Variants in SLC5A5 observed in about 807,000 individuals in gnomAD.
The protein encoded by SLC5A5 is sodium/iodide cotransporter.
In SLC5A5, 56 loss-of-function variants were observed where a neutral mutation model predicts 68.6. The ratio of observed to expected loss-of-function variants is 0.82; its 90% CI spans 0.66 to 1.02. The LOEUF (loss-of-function observed/expected upper bound fraction) is 1.02. Ranked by LOEUF, SLC5A5 falls within the 50% of genes least tolerant of loss-of-function variation. The pLI is 0.00. For missense variants in SLC5A5, 807 were observed against 859.8 expected (o/e 0.94, Z 0.77); for synonymous variants, 398 against 373.0 (o/e 1.07, Z -0.77).
chr19:17,888,193 A>T, intron 12 of SLC5A5, 138 bp from the exon 13 acceptor site: 1 of 1,054,826 alleles, frequency 9.5e-7, no homozygotes, highest in Non-Finnish European at 1.4e-6. Flanking sequence ...TACTGCACAG[A>T]TCTGGGCAGA....
At chr19:17,884,542 C>G (rs930416599) in intron 12 of SLC5A5, among the ~76,000 whole-genome samples, 1 of 151,646 alleles carries the variant, frequency 6.6e-6, no homozygotes, top group Non-Finnish European at 1.5e-5. Context: ...GAGGCTGAGG[C>G]AGGTGGATCA....
At chr19:17,889,075 A>G (rs1296469296) in intron 13 of SLC5A5, among the ~76,000 whole-genome samples, 1 of 151,428 alleles carries the variant, frequency 6.6e-6, no homozygotes, top group Non-Finnish European at 1.5e-5. Context: ...ACATAAAAGA[A>G]AGTGTATATA....
rs1056096111 is a variant in SLC5A5, at chr19:17,878,166, T to A, written c.969+73T>A. 2.6e-6 allele frequency: 4 copies of A among 1,538,620 alleles called. No individual in the cohort carries two copies. In the African/African-American group the frequency reaches 5.5e-5, roughly 21 times the overall value. ...TTGGTGGGATTGAGGTCGAAGAGCA[T>A]TCCTAGCAGAGGGAATGGCCTGTGC... On this transcript the variant is annotated intron_variant, in intron 7 of 14. Transcript: ENST00000222248.
rs912896926 is a variant in SLC5A5 at position 17,893,257 on chromosome 19, C to T, written c.1768-456C>T. 2.6e-5 allele frequency among the ~76,000 whole-genome samples: 4 copies of T among 151,790 alleles called. 1 individual carries two copies. The South Asian group carries it at 6.3e-4, about 24-fold the overall frequency. On this transcript the variant is annotated intron_variant, in intron 14 of 14. Coordinates refer to ENST00000222248, the MANE Select transcript of SLC5A5 (RefSeq NM_000453.3). ...AGCTGGGATTATAGGCATGCACCACCGAGTCTGGTTAATTTTTTTATTTTT... is the reference window on the plus strand; with the variant it reads ...AGCTGGGATTATAGGCATGCACCACTGAGTCTGGTTAATTTTTTTATTTTT...
chr19:17,886,762 G>A (rs1456153001), intron 12 of SLC5A5, among the ~76,000 whole-genome samples: 2 of 152,158 alleles, frequency 1.3e-5, no homozygotes, highest in Non-Finnish European at 2.9e-5. Context: ...ATACCTCACT[G>A]TGGTTTTGAT....
chr19:17,886,240 A>G (rs2029913016), intron 12 of SLC5A5, among the ~76,000 whole-genome samples: 1 of 151,494 alleles, frequency 6.6e-6, no homozygotes, highest in Non-Finnish European at 1.5e-5. Context: ...TTTGGTATGG[A>G]CATATGTTTT....
In SLC5A5 at chr19:17,872,284, C is replaced by T. The variant is rs116154266; in HGVS notation, c.-36C>T. ...GCTTCCCCCGCTTGAGCACGCAGGG[C>T]GTCCGAGGACGCGCTGGGCCTCCGC... On this transcript the variant is annotated 5_prime_UTR_variant, in exon 1 of 15. Coordinates refer to ENST00000222248, the MANE Select transcript of SLC5A5 (RefSeq NM_000453.3). 2,951 of 1,221,566 alleles carry T rather than the reference C, an allele frequency of 2.4e-3. 55 individuals carry two copies. The African/African-American group carries it at 0.04, about 17-fold the overall frequency. 75.7% of individuals were successfully genotyped at this position (1,221,566 alleles called of 1,614,324 possible).
rs1482298084 is a variant in SLC5A5 at position 17,890,905 on chromosome 19, C to G, written c.1671C>G (p.Thr557=). ...SCLTGPTKRS[T]LAPGLLWWDL... is the part of the protein sequence containing the mutation. ...TCTCAGGCCCCACCAAGCGCAGCAC[C>G]CTGGCCCCGGGATTGTTGTGGTGGG... is the stretch of plus-strand genomic sequence containing the variant. The change falls in exon 14 of 15, where the codon ACC becomes ACG. Residue 557 remains threonine, a synonymous_variant. Transcript: ENST00000222248. 1 of 1,613,884 alleles carries G rather than the reference C, an allele frequency of 6.2e-7. No homozygotes were observed. The highest frequency in any genetic ancestry group is 8.5e-7 in the Non-Finnish European group (1 of 1,179,874).
At chr19:17,884,630 A>AGG (rs1204123524) in intron 12 of SLC5A5, among the ~76,000 whole-genome samples, 1 of 151,438 alleles carries the variant, frequency 6.6e-6, no homozygotes. Flanking sequence ...AAACTTAGCC[A>AGG]AGCGTGGTGG....
intron 10 of SLC5A5, among the ~76,000 whole-genome samples, chr19:17,882,992 G>T (rs1400106164): frequency 6.6e-6 from 1 of 151,824 alleles, no homozygotes; most frequent in African/African-American, 2.4e-5. Flanking sequence ...TTATATTTTT[G>T]TATTTTTATT....
intron 8 of SLC5A5, 105 bp from the exon 9 acceptor site, chr19:17,881,855 G>A: frequency 1.2e-6 from 1 of 820,510 alleles, no homozygotes; most frequent in Non-Finnish European, 2.1e-6. Context: ...GCAGGACTGG[G>A]TTACCCCCAC....
In SLC5A5 at chr19:17,885,569, C is replaced by T. The variant is rs373561323; in HGVS notation, c.1526+1523C>T. Among the ~76,000 whole-genome samples the T allele has an allele frequency of 9.9e-4, 150 of 151,760 alleles. 4 individuals carry two copies. The South Asian group carries it at 0.029, about 29-fold the overall frequency. On this transcript the variant is annotated intron_variant, in intron 12 of 14. Coordinates refer to ENST00000222248, the MANE Select transcript of SLC5A5 (RefSeq NM_000453.3). ...AAATTTTTTGTATTTTTTATAGAGA[C>T]GAGTTTTTGCCATGTTGCCCAGGCT...
chr19:17,877,906 T>C, intron 6 of SLC5A5, 43 bp downstream of exon 6: 1 of 1,613,568 alleles, frequency 6.2e-7, no homozygotes, highest in Admixed American at 1.7e-5. Flanking sequence ...TGGGACATGC[T>C]GCCCCCCTCC....
chr19:17,887,163 A>G (rs1013301860), intron 12 of SLC5A5, among the ~76,000 whole-genome samples: 6 of 152,196 alleles, frequency 3.9e-5, no homozygotes, highest in African/African-American at 1.4e-4. Flanking sequence ...TATAATTTAC[A>G]TATTTTTATA....
chr19:17,874,877 C>A, intron 4 of SLC5A5, 146 bp downstream of exon 4: 1 of 788,968 alleles, frequency 1.3e-6, no homozygotes. Context: ...GAAAAATGAT[C>A]TGAAAAGCTT....
intron 7 of SLC5A5, 63 bp from the exon 8 acceptor site, chr19:17,880,802 C>A: frequency 8.2e-7 from 1 of 1,218,644 alleles, no homozygotes; most frequent in Non-Finnish European, 1.2e-6. Flanking sequence ...AGCATCAGGA[C>A]AGATAGATGC....
rs1374677866 is a variant in SLC5A5, at chr19:17,876,062, G to A, written c.654G>A (p.Gln218=). ...RGVMLVGGPR[Q]VLTLAQNHSR... The stretch of plus-strand genomic sequence containing the variant: ...TCATGCTTGTGGGCGGGCCCCGCCA[G>A]GTGCTCACGCTGGCCCAGAACCACT... The change falls in exon 5 of 15, where the codon CAG becomes CAA. Residue 218 remains glutamine, a synonymous_variant. Coordinates refer to ENST00000222248, the MANE Select transcript of SLC5A5 (RefSeq NM_000453.3). The A allele has an allele frequency of 5.0e-6, 8 of 1,614,102 alleles. No homozygotes were observed. The highest frequency in any genetic ancestry group is 6.8e-6 in the Non-Finnish European group (8 of 1,180,050).
chr19:17,893,553 C>A (rs7250346), intron 14 of SLC5A5, among the ~76,000 whole-genome samples, 160 bp from the exon 15 acceptor site: 1 of 151,872 alleles, frequency 6.6e-6, no homozygotes, highest in Non-Finnish European at 1.5e-5. Context: ...GGAGGCAGAG[C>A]GGGCAGGACT....
intron 4 of SLC5A5, 78 bp downstream of exon 4, chr19:17,874,809 C>A (rs779281237): frequency 3.2e-5 from 45 of 1,411,112 alleles, no homozygotes; most frequent in Non-Finnish European, 4.4e-5. Context: ...TGGGCTTGCC[C>A]CTTTCTCCTG....
Sources: allele counts gnomAD v4.1 joint callset (sites outside exome capture counted in the v4.1 genomes callset), GRCh38; gene constraint gnomAD v4.1.1; transcripts MANE v1.5; gene names NCBI Gene and HGNC (gene_info 2026-07-23, HGNC 2026-07-21).